CD36: variants seen among roughly 807,000 people sequenced by gnomAD.
CD36 encodes CD36 molecule (CD36 blood group), also known as platelet glycoprotein 4.
CD36 carries 119 observed loss-of-function variants against 55.2 expected under a neutral mutation model. The ratio of observed to expected loss-of-function variants is 2.15; its 90% CI spans 1.86 to 2.51. The LOEUF is 2.51. Ranked by LOEUF, CD36 falls within the 30% of genes most tolerant of loss-of-function variation. The pLI, the probability that CD36 is intolerant of heterozygous loss-of-function variation, is 0.00. For missense variants in CD36, 819 were observed against 555.5 expected (o/e 1.47, Z -4.77); for synonymous variants, 186 against 193.6 (o/e 0.96, Z 0.33).
chr7:80,654,553 T>C (rs1184572228), intron 3 of CD36, among the ~76,000 whole-genome samples: 1 of 152,160 alleles, frequency 6.6e-6, no homozygotes, highest in Non-Finnish European at 1.5e-5. Context: ...ACCAAACATA[T>C]TTACATTTAG....
intron 1 of CD36, among the ~76,000 whole-genome samples, chr7:80,606,276 C>CTT (rs60857995): frequency 6.7e-6 from 1 of 148,654 alleles, no homozygotes; most frequent in African/African-American, 2.5e-5. Flanking sequence ...ATCTGTGCAA[C>CTT]TTTTTTTTTT....
rs12534733 is a variant in CD36 at position 80,626,939 on chromosome 7, A to G, written c.-183-19149A>G. Among the ~76,000 whole-genome samples the G allele has an allele frequency of 8.5e-3, 1,291 of 152,160 alleles. 60 individuals are homozygous for G. In the East Asian group the frequency reaches 0.11, roughly 12 times the overall value. On this transcript the variant is annotated intron_variant, in intron 1 of 13. Transcript: ENST00000309881. Reference sequence around the variant, plus strand: ...TCTTCTCTGTACCTCTTCATATGTAAGTATTGCATTCATCTTATCTCCCTA... The same window carrying G: ...TCTTCTCTGTACCTCTTCATATGTAGGTATTGCATTCATCTTATCTCCCTA...
At chr7:80,603,772 A>AAAAAAAG (rs10633454) in intron 1 of CD36, among the ~76,000 whole-genome samples, 12,213 of 140,896 alleles carry the variant, frequency 0.087, 834 homozygotes, top group East Asian at 0.32. Context: ...AGTCAGGCAA[A>AAAAAAAG]AAAAAAAAAA....
chr7:80,623,064 G>T (rs567254782), intron 1 of CD36, among the ~76,000 whole-genome samples: 1 of 150,618 alleles, frequency 6.6e-6, no homozygotes, highest in Non-Finnish European at 1.5e-5. Context: ...AATAATTCTA[G>T]CTGGTTCATA....
rs980033431 is a variant in CD36, at chr7:80,609,955, A to G, written c.-184+7576A>G. 2.2e-4 allele frequency among the ~76,000 whole-genome samples: 33 copies of G among 152,164 alleles called. 1 individual carries two copies. Among genetic ancestry groups the G allele is most frequent in the Admixed American group, 1.5e-3 (23 of 15,290 alleles). ...GCTATGTAGGCAAAGGGTTGAGGAC[A>G]AGATAAGATTAGGAAAGGACATGCG... On this transcript the variant is annotated intron_variant, in intron 1 of 13. Coordinates refer to the CD36 transcript ENST00000309881.
At chr7:80,671,787 A>G in intron 10 of CD36, 135 bp from the exon 11 acceptor site, 1 of 733,478 alleles carries the variant, frequency 1.4e-6, no homozygotes, top group South Asian at 1.6e-5. Flanking sequence ...CAACTGACAT[A>G]ATTCTTCCCC....
intron 1 of CD36, among the ~76,000 whole-genome samples, chr7:80,610,924 G>A (rs1792846411): frequency 6.6e-6 from 1 of 151,836 alleles, no homozygotes; most frequent in Admixed American, 6.6e-5. Context: ...CAGTCAGGCT[G>A]GAGTGCAGTG....
intron 1 of CD36, among the ~76,000 whole-genome samples, chr7:80,616,577 T>A (rs1039325331): frequency 6.6e-6 from 1 of 152,084 alleles, no homozygotes; most frequent in African/African-American, 2.4e-5. Flanking sequence ...ACTATGAAAA[T>A]AAATCTCAAA....
Position 80,674,177 on chromosome 7 carries a change from A to G in CD36, c.*30A>G, listed in dbSNP as rs368975972. ...GTATGTACCAAAAAATATTGCTTCA[A>G]TAATATTAGCTTATATATTACTTGT... On this transcript the variant is annotated intron_variant, in intron 14 of 14. Coordinates refer to ENST00000447544, the MANE Select transcript of CD36 (RefSeq NM_001001548.3). 23 of 1,472,984 alleles carry G rather than the reference A, an allele frequency of 1.6e-5. No homozygotes were observed. The African/African-American group carries it at 2.6e-4, about 17-fold the overall frequency. The allele number at this position is 1,472,984 out of a possible 1,614,324, so 91.2% of individuals were successfully genotyped here.
upstream of CD36, among the ~76,000 whole-genome samples, chr7:80,633,714 TTATACA>T (rs1162897137): frequency 2.6e-5 from 4 of 152,050 alleles, no homozygotes; most frequent in African/African-American, 9.7e-5. Flanking sequence ...TGTTCATCTA[TTATACA>T]TATATAAGCA....
chr7:80,613,640 A>C (rs1723850478), intron 1 of CD36, among the ~76,000 whole-genome samples: 1 of 152,134 alleles, frequency 6.6e-6, no homozygotes, highest in African/African-American at 2.4e-5. Flanking sequence ...TTAACTTTTA[A>C]TGGGACAAAG....
At position 80,673,374 on chromosome 7, in the gene CD36, A is replaced by AGGAACTATATTGTGCCTATTCTTTG; in HGVS notation, c.1221_1245dup (p.Leu416GlufsTer10). 6.5e-7 allele frequency: 1 copy of AGGAACTATATTGTGCCTATTCTTTG among 1,549,506 alleles called. No homozygotes were observed. Among genetic ancestry groups the AGGAACTATATTGTGCCTATTCTTTG allele is most frequent in the Non-Finnish European group, 8.9e-7 (1 of 1,122,474 alleles). On this transcript the variant is annotated frameshift_variant, in exon 13 of 15. Transcript: ENST00000447544. LOFTEE classifies it high-confidence loss of function. ...TTACAGAGTATTAAAGAATCTGAAG[A>AGGAACTATATTGTGCCTATTCTTTG]GGAACTATATTGTGCCTATTCTTTG... is the stretch of plus-strand genomic sequence containing the variant.
At chr7:80,658,100 GTC>G (rs749712503) in intron 4 of CD36, among the ~76,000 whole-genome samples, 1 of 152,186 alleles carries the variant, frequency 6.6e-6, no homozygotes, top group Admixed American at 6.5e-5. Context: ...CGAATCGGGT[GTC>G]TCTGTGCGCA....
Position 80,662,995 on chromosome 7 carries a change from A to G in CD36, c.435A>G (p.Ala145=). 1.9e-6 allele frequency: 3 copies of G among 1,611,528 alleles called. No homozygotes were observed. In the South Asian group the frequency reaches 3.3e-5, roughly 18 times the overall value. The part of the protein sequence containing the change: ...FTVLNLAVAA[A]SHIYQNQFVQ... ...CAGTGACTTTGTTTTTGTAGGCTGC[A>G]TCCCATATCTATCAAAATCAATTTG... The change falls in exon 6 of 15, where the codon GCA becomes GCG. Residue 145 remains alanine (A), a synonymous_variant. Coordinates refer to ENST00000447544, the MANE Select transcript of CD36 (RefSeq NM_001001548.3).
chr7:80,623,265 C>G (rs1481636379), intron 1 of CD36, among the ~76,000 whole-genome samples: 3 of 152,056 alleles, frequency 2.0e-5, no homozygotes, highest in African/African-American at 7.2e-5. Context: ...AAATACCAAA[C>G]TCTCATATAT....
At chr7:80,619,657 A>AG (rs1173400744) in intron 1 of CD36, among the ~76,000 whole-genome samples, 6 of 151,136 alleles carry the variant, frequency 4.0e-5, no homozygotes, top group Admixed American at 1.3e-4. Context: ...AAAACAGAAA[A>AG]AAAAAAAAAA....
In CD36 at chr7:80,663,113, C is replaced by T. The variant is rs142698840; in HGVS notation, c.553C>T (p.Pro185Ser). ...AGAACTGTTATGGGGCTATAGGGAT[C>T]CATTTTTGAGTTTGGTTCCGTACCC... is the stretch of plus-strand genomic sequence containing the variant. ...LRELLWGYRDPFLSLVPYPVT... is the reference protein window; with the variant it reads ...LRELLWGYRDSFLSLVPYPVT... The change falls in exon 6 of 15, where the codon CCA (proline) becomes TCA (serine). Residue 185 changes from proline (P) to serine (S), a missense_variant. Coordinates refer to ENST00000447544, the MANE Select transcript of CD36 (RefSeq NM_001001548.3). 1 of 1,613,618 alleles carries T rather than the reference C, an allele frequency of 6.2e-7. No individual in the cohort carries two copies. The highest frequency in any genetic ancestry group is 8.5e-7 in the Non-Finnish European group (1 of 1,179,820).
At chr7:80,613,298 G>A (rs1032066626) in intron 1 of CD36, among the ~76,000 whole-genome samples, 2 of 151,390 alleles carry the variant, frequency 1.3e-5, no homozygotes, top group South Asian at 4.2e-4. Flanking sequence ...TTTTCTTTTT[G>A]CAGGGAGGTG....
chr7:80,660,319 G>A (rs573899089), intron 4 of CD36, among the ~76,000 whole-genome samples: 2 of 152,222 alleles, frequency 1.3e-5, no homozygotes, highest in African/African-American at 4.8e-5. Context: ...TTGAGGGGCT[G>A]GGGAAGTTAG....
Sources: gnomAD v4.1 joint callset for allele counts (sites outside exome capture counted in the v4.1 genomes callset) on GRCh38, gnomAD v4.1.1 for gene constraint, MANE v1.5 for transcripts, NCBI Gene and HGNC (gene_info 2026-07-23, HGNC 2026-07-21) for gene names.